Variants in RLIM observed in about 807,000 individuals in gnomAD.
RLIM encodes the protein E3 ubiquitin-protein ligase RLIM.
RLIM carries 2 observed loss-of-function variants against 34.0 expected under a neutral mutation model. The observed-to-expected ratio is 0.06, with a 90% CI of 0.02 to 0.19. The LOEUF is 0.19. Ranked by LOEUF, RLIM falls within the 10% of genes least tolerant of loss-of-function variation. The probability of loss-of-function intolerance (pLI) is 1.00; values close to 1 mark genes in which losing one functional copy is unlikely to be tolerated. For synonymous variants in RLIM, 169 were observed against 164.0 expected, an observed-to-expected ratio of 1.03 and a Z score of -0.23; for missense variants, 286 against 479.7, an observed-to-expected ratio of 0.60 and a Z score of 3.77.
At chrX:74,602,024 A>G (rs765928839) in intron 1 of RLIM, among the ~76,000 whole-genome samples, 1 of 111,920 alleles carries the variant, frequency 8.9e-6, no homozygotes, top group Non-Finnish European at 1.9e-5. Context: ...CAGCCCTGTA[A>G]ACTTTAGCAT....
chrX:74,603,232 C>T (rs1293496340), intron 1 of RLIM, among the ~76,000 whole-genome samples: 3 of 110,616 alleles, frequency 2.7e-5, no homozygotes, highest in Non-Finnish European at 5.7e-5. Flanking sequence ...ATTTTCTTGG[C>T]AACACCAATC....
At chrX:74,594,897 T>TAAA (rs1169273208) in intron 2 of RLIM, among the ~76,000 whole-genome samples, 18 of 59,709 alleles carry the variant, frequency 3.0e-4, no homozygotes, top group African/African-American at 1.2e-3. Flanking sequence ...AGACTCTGCT[T>TAAA]AAAAAAAAAA....
chrX:74,610,144 C>T (rs1488950404), intron 1 of RLIM, among the ~76,000 whole-genome samples: 3 of 112,434 alleles, frequency 2.7e-5, no homozygotes, highest in African/African-American at 9.7e-5. Context: ...TGGCCAGGCG[C>T]GGTGGCTCAG....
chrX:74,594,225 T>A (rs1284447686), intron 3 of RLIM, 81 bp downstream of exon 3: 1 of 670,869 alleles, frequency 1.5e-6, no homozygotes, highest in Non-Finnish European at 2.2e-6. Flanking sequence ...CAAATCTGGA[T>A]AATCTTTGGC....
rs1381478896 is a variant in RLIM, at chrX:74,584,842, T to A, written c.*6598A>T. Among the ~76,000 whole-genome samples, 1 of 112,005 alleles carries A rather than the reference T, an allele frequency of 8.9e-6. No homozygotes were observed. The highest frequency in any genetic ancestry group is 3.2e-5 in the African/African-American group (1 of 30,798). ...GATGGTGGTATTGAGTTTCAAATAATAAAATCATGAATGACACTAAACTTA... is the reference window on the plus strand; with the variant it reads ...GATGGTGGTATTGAGTTTCAAATAAAAAAATCATGAATGACACTAAACTTA... On this transcript the variant is annotated 3_prime_UTR_variant, in exon 4 of 4. Coordinates refer to ENST00000332687, the MANE Select transcript of RLIM (RefSeq NM_016120.4).
At position 74,591,886 on chromosome X, in the gene RLIM, G is replaced by GACTGGAACTGGAACTTGA. The variant is rs756953559; in HGVS notation, c.1411_1428dup (p.Ser471_Ser476dup). On this transcript the variant is annotated inframe_insertion, in exon 4 of 4. Transcript: ENST00000332687. ...CTTTCACCACCGGAACTGGAACTAG[G>GACTGGAACTGGAACTTGA]ACTGGAACTGGAACTTGAACTGGAA... The GACTGGAACTGGAACTTGA allele has an allele frequency of 2.1e-5, 25 of 1,203,770 alleles. No homozygotes were observed. The highest frequency in any genetic ancestry group is 3.6e-5 in the African/African-American group (2 of 55,706).
chrX:74,590,126 G>C lies in RLIM; in HGVS notation c.*1314C>G, dbSNP rs2079605625. On this transcript the variant is annotated 3_prime_UTR_variant, in exon 4 of 4. Coordinates refer to ENST00000332687, the MANE Select transcript of RLIM (RefSeq NM_016120.4). ...CAAATCTCAAAAACAACACAAATTC[G>C]AGACTTTCCTATTAACACACACATG... 8.9e-6 allele frequency: 1 copy of C among 111,914 alleles called. No individual in the cohort carries two copies. The highest frequency in any genetic ancestry group is 1.9e-5 in the Non-Finnish European group (1 of 53,163). 9.2% of individuals were successfully genotyped at this position (111,914 alleles called of 1,213,427 possible).
At chrX:74,605,115 G>A (rs184064430) in intron 1 of RLIM, among the ~76,000 whole-genome samples, 173 of 111,408 alleles carry the variant, frequency 1.6e-3, no homozygotes, top group African/African-American at 5.2e-3. Flanking sequence ...AATACCTGCA[G>A]AGGTCCCCTG....
intron 1 of RLIM, among the ~76,000 whole-genome samples, chrX:74,600,720 T>C (rs1398658935): frequency 1.8e-5 from 2 of 110,071 alleles, no homozygotes; most frequent in Non-Finnish European, 3.8e-5. Context: ...TCTTTAACAA[T>C]AGTATCGGGG....
Position 74,587,063 on chromosome X carries a change from G to C in RLIM, c.*4377C>G, listed in dbSNP as rs1262800697. 9.0e-6 allele frequency: 1 copy of C among 111,694 alleles called. No individual in the cohort carries two copies. The highest frequency in any genetic ancestry group is 1.9e-5 in the Non-Finnish European group (1 of 53,170). The allele number at this position is 111,694 out of a possible 1,213,427, so 9.2% of individuals were successfully genotyped here. On this transcript the variant is annotated 3_prime_UTR_variant, in exon 4 of 4. Transcript: ENST00000332687. The stretch of plus-strand genomic sequence containing the variant: ...ACCATGCCACTGCACTCCAGCCTGG[G>C]TGACAGAGCAAGACCCTGTCTCAAA...
At chrX:74,605,901 T>C (rs1310305931) in intron 1 of RLIM, among the ~76,000 whole-genome samples, 1 of 111,844 alleles carries the variant, frequency 8.9e-6, no homozygotes, top group Non-Finnish European at 1.9e-5. Context: ...AAAAACCATG[T>C]GACTAGTAAG....
intron 1 of RLIM, among the ~76,000 whole-genome samples, chrX:74,606,084 G>A (rs746269578): frequency 6.2e-5 from 7 of 112,235 alleles, no homozygotes; most frequent in African/African-American, 2.3e-4. Context: ...TTTATACCAT[G>A]TTCACTCCCT....
rs1409968339 is a variant in RLIM, at chrX:74,588,793, T to C, written c.*2647A>G. ...CTCCCTCGAGAATGGTGTTTGGATG[T>C]GGGTGGGGGGAAAACGATTTTTGTT... On this transcript the variant is annotated 3_prime_UTR_variant, in exon 4 of 4. Transcript: ENST00000332687. The C allele has an allele frequency of 1.8e-5, 2 of 111,742 alleles. No homozygotes were observed. The highest frequency in any genetic ancestry group is 3.8e-5 in the Non-Finnish European group (2 of 53,184). 9.2% of individuals were successfully genotyped at this position (111,742 alleles called of 1,213,427 possible). A position where few individuals can be genotyped will look rare whatever the true frequency, so the allele number is the denominator to read the frequency against.
intron 1 of RLIM, among the ~76,000 whole-genome samples, chrX:74,605,317 A>G (rs1209439669): frequency 8.9e-6 from 1 of 112,411 alleles, no homozygotes; most frequent in Non-Finnish European, 1.9e-5. Context: ...AGGTAGATAT[A>G]ATCTGCCACT....
At chrX:74,594,826 G>A (rs1230946809) in intron 2 of RLIM, among the ~76,000 whole-genome samples, 1 of 105,832 alleles carries the variant, frequency 9.4e-6, no homozygotes, top group African/African-American at 3.5e-5. Flanking sequence ...TTGAGCCCAG[G>A]AGGCAGAGGT....
At chrX:74,598,379 G>A (rs2079647988) in intron 1 of RLIM, among the ~76,000 whole-genome samples, 1 of 111,439 alleles carries the variant, frequency 9.0e-6, no homozygotes, top group South Asian at 3.7e-4. Flanking sequence ...TGTAATCTCA[G>A]CACTTTGGGA....
intron 1 of RLIM, among the ~76,000 whole-genome samples, chrX:74,611,802 C>G (rs1180390929): frequency 8.9e-6 from 1 of 112,070 alleles, no homozygotes; most frequent in African/African-American, 3.2e-5. Context: ...TAACTGAGGA[C>G]AAATTATACT....
At position 74,591,316 on chromosome X, in the gene RLIM, A is replaced by T. The variant is rs2079611876; in HGVS notation, c.*124T>A. ...AGAAAGGACAATGATTCCTTCAGAA[A>T]GCAATGACTCAATTCAGGTTGTTAC... On this transcript the variant is annotated 3_prime_UTR_variant, in exon 4 of 4. Transcript: ENST00000332687. 3.8e-6 allele frequency: 2 copies of T among 527,371 alleles called. No homozygotes were observed. The highest frequency in any genetic ancestry group is 6.1e-6 in the Non-Finnish European group (2 of 325,436). 43.5% of individuals were successfully genotyped at this position (527,371 alleles called of 1,213,427 possible).
At chrX:74,594,857 C>T (rs2079633252) in intron 2 of RLIM, among the ~76,000 whole-genome samples, 1 of 102,265 alleles carries the variant, frequency 9.8e-6, no homozygotes, top group Admixed American at 1.1e-4. Flanking sequence ...AGAGACTGCA[C>T]CACTGCACTC....
Sources: gnomAD v4.1 joint callset for allele counts (sites outside exome capture counted in the v4.1 genomes callset) on GRCh38, gnomAD v4.1.1 for gene constraint, MANE v1.5 for transcripts, NCBI Gene and HGNC (gene_info 2026-07-23, HGNC 2026-07-21) for gene names.